The following TLN2 variants were observed in gnomAD, a reference collection of about 807,000 sequenced individuals.
The protein encoded by TLN2 is talin 2.
Under a neutral mutation model 294.7 loss-of-function variants are expected in TLN2, and 118 were observed. The observed-to-expected ratio is 0.40, with a 90% CI of 0.34 to 0.47. TLN2 has a LOEUF of 0.47. Ranked by LOEUF, TLN2 falls within the 20% of genes least tolerant of loss-of-function variation. The pLI is 0.84. For synonymous variants in TLN2, 1,431 were observed against 1,304.5 expected, an observed-to-expected ratio of 1.10 and a Z score of -2.09; for missense variants, 3,083 against 3,282.2, an observed-to-expected ratio of 0.94 and a Z score of 1.48.
At chr15:62,622,770 G>C (rs1217514962) in intron 3 of TLN2, among the ~76,000 whole-genome samples, 1 of 152,144 alleles carries the variant, frequency 6.6e-6, no homozygotes, top group Non-Finnish European at 1.5e-5. Context: ...AGTGATAAAA[G>C]AGGGAAAAGC....
chr15:62,474,053 C>T (rs1261964767), intron 1 of TLN2, among the ~76,000 whole-genome samples: 2 of 152,154 alleles, frequency 1.3e-5, no homozygotes, highest in Admixed American at 1.3e-4. Flanking sequence ...CAGACATGTG[C>T]CTTTGAGCTC....
intron 11 of TLN2, among the ~76,000 whole-genome samples, chr15:62,680,452 A>G (rs754083306): frequency 2.6e-5 from 4 of 152,212 alleles, no homozygotes; most frequent in Admixed American, 6.5e-5. Context: ...TTGATAAGAC[A>G]TATGTCAACC....
chr15:62,631,650 C>CTTTCTTTCCTTCTTTTTCT (rs148281686), intron 3 of TLN2, among the ~76,000 whole-genome samples: 2 of 140,074 alleles, frequency 1.4e-5, no homozygotes, highest in South Asian at 4.6e-4. Flanking sequence ...TCTTTCTTTC[C>CTTTCTTTCCTTCTTTTTCT]TTCTTTTTCT....
chr15:62,672,333 A>C (rs911255965), intron 9 of TLN2, among the ~76,000 whole-genome samples: 1 of 152,288 alleles, frequency 6.6e-6, no homozygotes, highest in East Asian at 1.9e-4. Flanking sequence ...TTTTTAAAAA[A>C]ATCTTTGTAG....
At chr15:62,619,756 C>T (rs1309494650) in intron 3 of TLN2, among the ~76,000 whole-genome samples, 4 of 152,178 alleles carry the variant, frequency 2.6e-5, no homozygotes, top group African/African-American at 9.7e-5. Context: ...AAGTATTCTT[C>T]TAGAGCCTTG....
chr15:62,584,818 A>G (rs927394039), intron 1 of TLN2, among the ~76,000 whole-genome samples: 3 of 152,214 alleles, frequency 2.0e-5, no homozygotes, highest in African/African-American at 4.8e-5. Flanking sequence ...TATGATTTTG[A>G]ATAATTAGTA....
intron 1 of TLN2, among the ~76,000 whole-genome samples, chr15:62,431,209 C>T (rs542003703): frequency 1.3e-5 from 2 of 152,234 alleles, no homozygotes; most frequent in South Asian, 4.1e-4. Context: ...CACAAGCCTG[C>T]TGGAGCATGT....
At chr15:62,479,622 G>T (rs1457914968) in intron 1 of TLN2, among the ~76,000 whole-genome samples, 2 of 152,130 alleles carry the variant, frequency 1.3e-5, no homozygotes, top group Non-Finnish European at 2.9e-5. Context: ...GGTTACTACT[G>T]GGTGGTGGCT....
intron 2 of TLN2, among the ~76,000 whole-genome samples, chr15:62,617,624 G>A (rs752292399): frequency 2.0e-5 from 3 of 152,074 alleles, no homozygotes; most frequent in South Asian, 2.1e-4. Context: ...CCTCATCCCC[G>A]CTTTCACCCT....
At chr15:62,700,998 A>C (rs993068216) in intron 16 of TLN2, 108 bp from the exon 17 acceptor site, 2 of 948,498 alleles carry the variant, frequency 2.1e-6, no homozygotes, top group African/African-American at 3.3e-5. Context: ...TGCTGGCCTC[A>C]TAAGAAGAAT....
chr15:62,800,124 C>T (rs989466955), intron 48 of TLN2, among the ~76,000 whole-genome samples: 1 of 152,226 alleles, frequency 6.6e-6, no homozygotes, highest in African/African-American at 2.4e-5. Context: ...ACATAAGCTG[C>T]ATGTTTGCAC....
chr15:62,685,498 C>T (rs190812554), intron 11 of TLN2, among the ~76,000 whole-genome samples: 14 of 152,202 alleles, frequency 9.2e-5, no homozygotes, highest in African/African-American at 3.4e-4. Context: ...CTAAATTTCT[C>T]AAAGCTAGCT....
At chr15:62,719,090 C>T (rs529825693) in intron 24 of TLN2, among the ~76,000 whole-genome samples, 2 of 152,144 alleles carry the variant, frequency 1.3e-5, no homozygotes, top group Non-Finnish European at 2.9e-5. Flanking sequence ...GCCTCATTAA[C>T]CAGAGAAGGA....
At position 62,835,796 on chromosome 15, in the gene TLN2, T is replaced by G; in HGVS notation, c.7188T>G (p.Ser2396=). Reference sequence around the variant, plus strand: ...GACAGTGGTCACAGGGGCTGATTTCTGCTGTGAGTTGCCTTCTCCTTCCTC... The same window carrying G: ...GACAGTGGTCACAGGGGCTGATTTCGGCTGTGAGTTGCCTTCTCCTTCCTC... The part of the protein sequence containing the change: ...DDGQWSQGLI[S]AARMVAAATS... Residue 2396 remains serine, a synonymous_variant, in exon 56 of 59, where the codon TCT becomes TCG. Transcript: ENST00000636159. 4 of 1,614,228 alleles carry G rather than the reference T, an allele frequency of 2.5e-6. No homozygotes were observed. The highest frequency in any genetic ancestry group is 3.4e-6 in the Non-Finnish European group (4 of 1,180,032).
intron 9 of TLN2, among the ~76,000 whole-genome samples, chr15:62,659,080 A>T (rs2140964420): frequency 6.6e-6 from 1 of 152,292 alleles, no homozygotes; most frequent in East Asian, 1.9e-4. Context: ...GGCGATCCGA[A>T]TGTAGTCATT....
intron 1 of TLN2, among the ~76,000 whole-genome samples, chr15:62,585,807 T>G (rs937531750): frequency 2.6e-5 from 4 of 152,194 alleles, no homozygotes; most frequent in Non-Finnish European, 2.9e-5. Context: ...TGTGTTTCCA[T>G]TGGAGACATG....
chr15:62,573,416 C>T (rs2044091164), intron 1 of TLN2, among the ~76,000 whole-genome samples: 1 of 152,168 alleles, frequency 6.6e-6, no homozygotes. Flanking sequence ...GACCCACTAC[C>T]TTGGCTCGGC....
chr15:62,423,615 C>G (rs1480733443), intron 1 of TLN2, among the ~76,000 whole-genome samples: 1 of 151,518 alleles, frequency 6.6e-6, no homozygotes, highest in Non-Finnish European at 1.5e-5. Context: ...GAGTCTTGCT[C>G]TGTTGTCCAA....
chr15:62,494,870 A>T (rs2038939635), intron 1 of TLN2, among the ~76,000 whole-genome samples: 1 of 152,138 alleles, frequency 6.6e-6, no homozygotes, highest in African/African-American at 2.4e-5. Context: ...CCTTACTGTC[A>T]GTCTGCTTGG....
Sources: allele counts gnomAD v4.1 joint callset (sites outside exome capture counted in the v4.1 genomes callset), GRCh38; gene constraint gnomAD v4.1.1; transcripts MANE v1.5; gene names NCBI Gene and HGNC (gene_info 2026-07-23, HGNC 2026-07-21).